DENND5A: variants seen among roughly 807,000 people sequenced by gnomAD.
The protein encoded by DENND5A is DENN domain containing 5A.
DENND5A carries 64 observed loss-of-function variants against 140.3 expected under a neutral mutation model. The ratio of observed to expected loss-of-function variants is 0.46; its 90% CI spans 0.37 to 0.56. DENND5A has a LOEUF of 0.56. DENND5A is among the 20% of genes least tolerant of loss of function. DENND5A has a pLI of 0.00. For synonymous variants in DENND5A, 605 were observed against 607.7 expected, an observed-to-expected ratio of 1.00 and a Z score of 0.07; for missense variants, 1,292 against 1,593.8, an observed-to-expected ratio of 0.81 and a Z score of 3.22.
intron 1 of DENND5A, among the ~76,000 whole-genome samples, chr11:9,244,271 T>C (rs1432375963): frequency 1.3e-5 from 2 of 152,236 alleles, no homozygotes; most frequent in African/African-American, 2.4e-5. Context: ...GCCAATGTGA[T>C]AGTATGAAGA....
intron 1 of DENND5A, among the ~76,000 whole-genome samples, chr11:9,213,252 C>T (rs1389921916): frequency 2.0e-5 from 3 of 151,826 alleles, no homozygotes; most frequent in Admixed American, 2.0e-4. Context: ...GCAATCCACC[C>T]GCCTCAGCCT....
At chr11:9,189,617 G>A (rs533438083) in intron 5 of DENND5A, among the ~76,000 whole-genome samples, 11 of 137,000 alleles carry the variant, frequency 8.0e-5, no homozygotes, top group Admixed American at 7.8e-4. Context: ...GCTGTTGTTT[G>A]GTTTTTTTTT....
rs1471556014 is a variant in DENND5A, at chr11:9,193,505, G to A, written c.1126C>T (p.Leu376=). 2 of 1,606,440 alleles carry A rather than the reference G, an allele frequency of 1.2e-6. No individual in the cohort carries two copies. The highest frequency in any genetic ancestry group is 1.7e-6 in the Non-Finnish European group (2 of 1,176,816). ...NGLDDRSKLE[L]PQEANLCFVD... Reference sequence around the variant, plus strand: ...ACTCAAGATCTCACCTCTTGAGGCAGCTCCAGCTTTGACCGGTCATCCAGG... The same window carrying A: ...ACTCAAGATCTCACCTCTTGAGGCAACTCCAGCTTTGACCGGTCATCCAGG... Residue 376 remains leucine, a synonymous_variant, in exon 5 of 23, where the codon CTG becomes TTG. Coordinates refer to ENST00000328194, the MANE Select transcript of DENND5A (RefSeq NM_015213.4).
At chr11:9,175,827 C>T (rs1390964974) in intron 8 of DENND5A, 3 of 152,136 alleles carry the variant, frequency 2.0e-5, no homozygotes, top group African/African-American at 7.2e-5. Flanking sequence ...TGAAATGGAT[C>T]AGAGACTTGA....
chr11:9,264,959 A>G lies in DENND5A; in HGVS notation c.109+2T>C. On this transcript the variant is annotated splice_donor_variant, in intron 1 of 22. Coordinates refer to ENST00000328194, the MANE Select transcript of DENND5A (RefSeq NM_015213.4). LOFTEE classifies it high-confidence loss of function. The stretch of plus-strand genomic sequence containing the variant: ...AGCGCCCCGGGCTCGGCGCGCACTC[A>G]CCCGACAGCTCGTCCGGCTCCAGCC... 6.4e-7 allele frequency: 1 copy of G among 1,571,834 alleles called. No individual in the cohort carries two copies. The highest frequency in any genetic ancestry group is 8.6e-7 in the Non-Finnish European group (1 of 1,160,792).
intron 1 of DENND5A, among the ~76,000 whole-genome samples, chr11:9,224,856 CAAAA>C (rs1003433174): frequency 6.4e-5 from 6 of 93,980 alleles, no homozygotes; most frequent in African/African-American, 4.0e-5. Context: ...AGACTCCATC[CAAAA>C]AAAAAAAAAA....
chr11:9,140,564 C>T (rs1364335683), intron 22 of DENND5A, among the ~76,000 whole-genome samples: 1 of 152,190 alleles, frequency 6.6e-6, no homozygotes, highest in Non-Finnish European at 1.5e-5. Flanking sequence ...CTTCAGTCCC[C>T]TGATGAAACA....
intron 1 of DENND5A, among the ~76,000 whole-genome samples, chr11:9,209,857 G>T (rs1371416141): frequency 6.6e-6 from 1 of 152,114 alleles, no homozygotes; most frequent in African/African-American, 2.4e-5. Context: ...TGTAATCCCA[G>T]CACTTTGGGA....
rs1238117613 is a variant in DENND5A, at chr11:9,168,291, A to G, written c.2151+1565T>C. ...CTCGTGATAGTGCATAAGTCTCATGAGATCTGATGGTTTTATAAGGGGGAA... is the reference window on the plus strand; with the variant it reads ...CTCGTGATAGTGCATAAGTCTCATGGGATCTGATGGTTTTATAAGGGGGAA... On this transcript the variant is annotated intron_variant, in intron 10 of 22. Coordinates refer to ENST00000328194, the MANE Select transcript of DENND5A (RefSeq NM_015213.4). 2.0e-5 allele frequency among the ~76,000 whole-genome samples: 3 copies of G among 152,082 alleles called. No individual in the cohort carries two copies. In the East Asian group the frequency reaches 5.8e-4, roughly 29 times the overall value.
At chr11:9,176,699 G>C in intron 8 of DENND5A, 1 of 303,712 alleles carries the variant, frequency 3.3e-6, no homozygotes, top group Non-Finnish European at 6.5e-6. Flanking sequence ...CAGTCTGGGG[G>C]CATCAGAGAA....
At chr11:9,179,142 T>TTGG in intron 6 of DENND5A, 69 bp from the exon 7 acceptor site, 1 of 1,414,836 alleles carries the variant, frequency 7.1e-7, no homozygotes, top group Non-Finnish European at 9.8e-7. Flanking sequence ...ATGCAATTCC[T>TTGG]GATTTTTTTA....
chr11:9,261,599 G>T (rs559571210), intron 1 of DENND5A, among the ~76,000 whole-genome samples: 1 of 152,098 alleles, frequency 6.6e-6, no homozygotes, highest in African/African-American at 2.4e-5. Flanking sequence ...CCAACATGGT[G>T]AAACCCCATC....
intron 1 of DENND5A, among the ~76,000 whole-genome samples, chr11:9,226,258 C>G (rs1363557571): frequency 2.0e-5 from 3 of 152,114 alleles, no homozygotes; most frequent in African/African-American, 7.2e-5. Flanking sequence ...TTCTATGATT[C>G]CTCAAAGGTT....
intron 12 of DENND5A, among the ~76,000 whole-genome samples, chr11:9,155,782 T>C (rs749313802): frequency 6.6e-6 from 1 of 152,160 alleles, no homozygotes; most frequent in Non-Finnish European, 1.5e-5. Flanking sequence ...AAACATACTA[T>C]AGGTGGAAGC....
chr11:9,179,183 TAGC>T (rs2136173507), intron 6 of DENND5A, 110 bp from the exon 7 acceptor site: 2 of 886,312 alleles, frequency 2.3e-6, no homozygotes, highest in East Asian at 5.1e-5. Flanking sequence ...CTAATTTACT[TAGC>T]AGGAAATGAT....
chr11:9,166,451 T>C (rs1486824308), intron 10 of DENND5A, among the ~76,000 whole-genome samples: 2 of 152,168 alleles, frequency 1.3e-5, no homozygotes, highest in African/African-American at 2.4e-5. Flanking sequence ...AATTTAATTC[T>C]TGTATTAAAG....
At chr11:9,248,663 A>G (rs1851583992) in intron 1 of DENND5A, among the ~76,000 whole-genome samples, 1 of 147,520 alleles carries the variant, frequency 6.8e-6, no homozygotes, top group Admixed American at 6.8e-5. Context: ...GGGATGGCCA[A>G]CCTCCCTTTG....
At chr11:9,248,013 G>A (rs1226226454) in intron 1 of DENND5A, among the ~76,000 whole-genome samples, 2 of 152,092 alleles carry the variant, frequency 1.3e-5, no homozygotes, top group African/African-American at 4.8e-5. Context: ...TTTGAGACAG[G>A]ATCTTGCTCT....
chr11:9,217,903 T>C (rs1195443207), intron 1 of DENND5A, among the ~76,000 whole-genome samples: 5 of 152,236 alleles, frequency 3.3e-5, no homozygotes, highest in East Asian at 1.9e-4. Flanking sequence ...ATAAAAGATA[T>C]GCAGAGATAA....
Sources: allele counts gnomAD v4.1 joint callset (sites outside exome capture counted in the v4.1 genomes callset), GRCh38; gene constraint gnomAD v4.1.1; transcripts MANE v1.5; gene names NCBI Gene and HGNC (gene_info 2026-07-23, HGNC 2026-07-21).